The following GNAO1 variants were observed in gnomAD, a reference collection of about 807,000 sequenced individuals.
The protein encoded by GNAO1 is guanine nucleotide-binding protein G(o) subunit alpha.
For synonymous variants in GNAO1, 164 were observed against 180.7 expected (o/e 0.91, Z 0.74); for missense variants, 166 against 478.7 (o/e 0.35, Z 6.10).
At chr16:56,240,079 C>T (rs2036679172) in intron 2 of GNAO1, among the ~76,000 whole-genome samples, 1 of 152,180 alleles carries the variant, frequency 6.6e-6, no homozygotes, top group South Asian at 2.1e-4. Context: ...GGAGGCTTCA[C>T]ATAACACACC....
chr16:56,339,075 G>T (rs2037772026), intron 6 of GNAO1, among the ~76,000 whole-genome samples: 1 of 152,230 alleles, frequency 6.6e-6, no homozygotes, highest in South Asian at 2.1e-4. Flanking sequence ...GCAGGGAATG[G>T]GGATGACTTT....
intron 6 of GNAO1, among the ~76,000 whole-genome samples, chr16:56,342,380 C>CTCCA (rs767227899): frequency 7.2e-5 from 11 of 152,360 alleles, no homozygotes; most frequent in Non-Finnish European, 1.6e-4. Flanking sequence ...CGGCTCTGAA[C>CTCCA]TCCAGCTCCC....
At chr16:56,299,457 A>T (rs1172192360) in intron 3 of GNAO1, among the ~76,000 whole-genome samples, 1 of 152,234 alleles carries the variant, frequency 6.6e-6, no homozygotes, top group East Asian at 1.9e-4. Context: ...CAGGGCTGTG[A>T]CTGCCAAGGC....
chr16:56,248,000 GTC>G (rs2036765224), intron 2 of GNAO1, among the ~76,000 whole-genome samples: 2 of 152,200 alleles, frequency 1.3e-5, no homozygotes, highest in Admixed American at 1.3e-4. Context: ...AAGGCATGAT[GTC>G]TCTCTGTAGG....
chr16:56,297,522 GGTGTGTGTGTGTGTGTGT>G (rs10545712), intron 3 of GNAO1, among the ~76,000 whole-genome samples: 13 of 134,408 alleles, frequency 9.7e-5, no homozygotes, highest in South Asian at 8.0e-4. Flanking sequence ...TTGTCTAACT[GGTGTGTGTGTGTGTGTGT>G]GTGTGTGTGT....
chr16:56,198,045 T>G (rs2036249506), intron 2 of GNAO1, among the ~76,000 whole-genome samples: 1 of 151,786 alleles, frequency 6.6e-6, no homozygotes, highest in Admixed American at 6.6e-5. Flanking sequence ...GATTCCAAAC[T>G]GAAAAAAACA....
intron 2 of GNAO1, among the ~76,000 whole-genome samples, chr16:56,245,215 G>A (rs61350543): frequency 0.012 from 1,813 of 152,182 alleles, 41 homozygotes; most frequent in African/African-American, 0.042. Context: ...AGGCTGTTGC[G>A]GCTGAGCTGA....
intron 2 of GNAO1, among the ~76,000 whole-genome samples, chr16:56,261,339 G>A (rs753661914): frequency 6.6e-6 from 1 of 152,190 alleles, no homozygotes; most frequent in Non-Finnish European, 1.5e-5. Flanking sequence ...CTGGGGCAAC[G>A]CTTAGGAGGC....
At chr16:56,238,041 A>G (rs2036656545) in intron 2 of GNAO1, among the ~76,000 whole-genome samples, 1 of 152,194 alleles carries the variant, frequency 6.6e-6, no homozygotes. Context: ...AGCGAGAGTG[A>G]AAGGAGGTGC....
intron 2 of GNAO1, among the ~76,000 whole-genome samples, chr16:56,259,702 G>A (rs1387583937): frequency 2.0e-5 from 3 of 152,204 alleles, no homozygotes; most frequent in Non-Finnish European, 2.9e-5. Context: ...GGGGCAGGGC[G>A]GGGGTTCATG....
rs1045189671 is a variant in GNAO1 at position 56,354,725 on chromosome 16, C to T, written c.878-141C>T. 3.4e-5 allele frequency: 20 copies of T among 579,998 alleles called. No homozygotes were observed. The African/African-American group carries it at 3.6e-4, about 10-fold the overall frequency. The allele number at this position is 579,998 out of a possible 1,614,324, so 35.9% of individuals were successfully genotyped here. A position where few individuals can be genotyped will look rare whatever the true frequency, so the allele number is the denominator to read the frequency against. On this transcript the variant is annotated intron_variant, in intron 7 of 8. Coordinates refer to ENST00000262493, the MANE Select transcript of GNAO1 (RefSeq NM_020988.3). This position sits in a 1 kb window ranked among gnomAD's most constrained non-coding sequence, Gnocchi z 4.3. ...AATGCAACTATGGCTTGGAACTGCC[C>T]AGCAGTTCCTACTGCTCCCTTCCTG...
chr16:56,238,122 A>T (rs1429311416), intron 2 of GNAO1, among the ~76,000 whole-genome samples: 1 of 79,514 alleles, frequency 1.3e-5, no homozygotes, highest in Non-Finnish European at 2.7e-5. Flanking sequence ...CCCGCCCCAC[A>T]CACATTTGTG....
chr16:56,192,008 A>G lies in GNAO1; in HGVS notation c.-228A>G. The G allele has an allele frequency of 5.8e-6, 3 of 520,742 alleles. No homozygotes were observed. Among genetic ancestry groups the G allele is most frequent in the South Asian group, 5.4e-5 (2 of 37,106 alleles). The allele number at this position is 520,742 out of a possible 1,614,324, so 32.3% of individuals were successfully genotyped here. The stretch of plus-strand genomic sequence containing the variant: ...GACCCCGGCCACCCTCGATTCGACA[A>G]CCCCAGACCCCTGCCAGCTGCCGCG... On this transcript the variant is annotated 5_prime_UTR_variant, in exon 1 of 9. Coordinates refer to ENST00000262493, the MANE Select transcript of GNAO1 (RefSeq NM_020988.3).
At chr16:56,336,545 C>T (rs2143664437) in intron 5 of GNAO1, 186 bp from the exon 6 acceptor site, 2 of 569,906 alleles carry the variant, frequency 3.5e-6, no homozygotes, top group South Asian at 4.1e-5. Context: ...GGGGTAGTGC[C>T]TGGGGATGGC....
intron 2 of GNAO1, among the ~76,000 whole-genome samples, chr16:56,231,475 C>T (rs2036588187): frequency 1.3e-5 from 2 of 152,100 alleles, no homozygotes; most frequent in Admixed American, 1.3e-4. Context: ...AATATATGTT[C>T]CCTGAGAGCC....
intron 2 of GNAO1, among the ~76,000 whole-genome samples, chr16:56,259,746 T>G (rs139765087): frequency 6.6e-6 from 1 of 152,336 alleles, no homozygotes; most frequent in East Asian, 1.9e-4. Flanking sequence ...TGGAAAGGCC[T>G]TTAAAGAGGG....
intron 2 of GNAO1, among the ~76,000 whole-genome samples, chr16:56,237,949 T>C (rs2143416827): frequency 6.6e-6 from 1 of 152,364 alleles, no homozygotes; most frequent in East Asian, 1.9e-4. Flanking sequence ...CGTAACCAGC[T>C]ATGATATAAA....
intron 2 of GNAO1, among the ~76,000 whole-genome samples, chr16:56,228,975 T>C (rs187892587): frequency 1.8e-3 from 274 of 152,366 alleles, no homozygotes; most frequent in Non-Finnish European, 2.0e-3. Context: ...AAGGATTATC[T>C]TTTGTTCTCT....
chr16:56,349,432 G>A (rs1041189921), intron 6 of GNAO1, among the ~76,000 whole-genome samples: 59 of 152,196 alleles, frequency 3.9e-4, no homozygotes, highest in African/African-American at 1.3e-3. Context: ...GAGCTTGAGT[G>A]TGGACAGCCC....
Sources: allele counts gnomAD v4.1 joint callset (sites outside exome capture counted in the v4.1 genomes callset), GRCh38; gene constraint gnomAD v4.1.1; non-coding constraint Gnocchi (gnomAD v3.1); transcripts MANE v1.5; gene names NCBI Gene and HGNC (gene_info 2026-07-23, HGNC 2026-07-21).